The following ZNF33A variants were observed in gnomAD, a reference collection of about 807,000 sequenced individuals.
ZNF33A encodes the protein brain my041 protein.
Under a neutral mutation model 15.9 loss-of-function variants are expected in ZNF33A, and 9 were observed. That is an observed-to-expected ratio of 0.57 (90% CI 0.34 to 0.99). ZNF33A has a LOEUF of 0.99. Ranked by LOEUF, ZNF33A falls within the 50% of genes least tolerant of loss-of-function variation. The pLI, the probability that ZNF33A is intolerant of heterozygous loss-of-function variation, is 0.02. For missense variants in ZNF33A, 843 were observed against 941.6 expected (o/e 0.90, Z 1.37); for synonymous variants, 294 against 324.2 (o/e 0.91, Z 1.00).
At chr10:38,031,360 A>C (rs1051245118) in intron 4 of ZNF33A, among the ~76,000 whole-genome samples, 3 of 152,088 alleles carry the variant, frequency 2.0e-5, no homozygotes, top group Non-Finnish European at 4.4e-5. Flanking sequence ...ACTTGAGCTC[A>C]GGAGTTTGAG....
At position 38,010,714 on chromosome 10, in the gene ZNF33A, G is replaced by T. The variant is rs761499291; in HGVS notation, c.-114G>T. 26 of 1,598,276 alleles carry T rather than the reference G, an allele frequency of 1.6e-5. No homozygotes were observed. The South Asian group carries it at 2.6e-4, about 16-fold the overall frequency. ...TTTTGTTTTTCTCAGGTTTTGCGTG[G>T]GAGGCGGTCCCGGGATTTCAAGGGT... On this transcript the variant is annotated 5_prime_UTR_variant, in exon 1 of 5. Coordinates refer to ENST00000432900, the MANE Select transcript of ZNF33A (RefSeq NM_006954.2).
Position 38,010,823 on chromosome 10 carries a change from C to T in ZNF33A, c.-45+40C>T, listed in dbSNP as rs776894600. On this transcript the variant is annotated intron_variant, in intron 1 of 4. Transcript: ENST00000432900. ...GTTGGGCAGGGAGAGAGAGGGAGCC[C>T]CGCGCGACTCCTGGGGCGGGCGGCA... The T allele has an allele frequency of 3.8e-6, 6 of 1,596,082 alleles. No homozygotes were observed. In the South Asian group the frequency reaches 5.5e-5, roughly 15 times the overall value.
rs1412153833 is a variant in ZNF33A, at chr10:38,054,754, G to A, written c.630G>A (p.Glu210=). 1.9e-6 allele frequency: 3 copies of A among 1,613,552 alleles called. No individual in the cohort carries two copies. The highest frequency in any genetic ancestry group is 3.3e-5 in the Admixed American group (2 of 59,942). The change falls in exon 5 of 5, where the codon GAG becomes GAA. Residue 210 remains glutamate (E), a synonymous_variant. Transcript: ENST00000432900. ...LSHHEETLQH[E]KIQTLEHNFE... is the part of the protein sequence containing the mutation. Reference sequence around the variant, plus strand: ...ATCATGAGGAGACTTTGCAGCATGAGAAGATTCAAACTTTAGAGCACAATT... The same window carrying A: ...ATCATGAGGAGACTTTGCAGCATGAAAAGATTCAAACTTTAGAGCACAATT...
At chr10:38,034,947 GTAACCATC>G (rs2065374906) in intron 4 of ZNF33A, among the ~76,000 whole-genome samples, 1 of 152,076 alleles carries the variant, frequency 6.6e-6, no homozygotes, top group Non-Finnish European at 1.5e-5. Flanking sequence ...AGTTCTACAT[GTAACCATC>G]TGTATCTCTC....
chr10:38,018,619 A>G (rs2064576222), intron 4 of ZNF33A, among the ~76,000 whole-genome samples: 1 of 152,338 alleles, frequency 6.6e-6, no homozygotes, highest in Non-Finnish European at 1.5e-5. Flanking sequence ...GGCATAGGGC[A>G]TAGAGAGCTC....
intron 3 of ZNF33A, 68 bp from the exon 4 acceptor site, chr10:38,017,223 T>G (rs2064498360): frequency 6.7e-7 from 1 of 1,485,680 alleles, no homozygotes; most frequent in Admixed American, 2.0e-5. Flanking sequence ...CCCAGAAGCT[T>G]CTTCCTGCTT....
At chr10:38,044,895 T>C (rs758791308) in intron 4 of ZNF33A, among the ~76,000 whole-genome samples, 3 of 152,144 alleles carry the variant, frequency 2.0e-5, no homozygotes, top group Non-Finnish European at 4.4e-5. Context: ...CTTGAACTCC[T>C]GACCTCAGGT....
At chr10:38,064,580 G>C (rs1455293256), downstream of ZNF33A, 1 of 153,638 alleles carries the variant, frequency 6.5e-6, no homozygotes, top group African/African-American at 2.4e-5. Flanking sequence ...TCCCATCTGT[G>C]ATCTCCAGAG....
At chr10:38,051,253 T>G (rs1355982429) in intron 4 of ZNF33A, among the ~76,000 whole-genome samples, 4 of 152,200 alleles carry the variant, frequency 2.6e-5, no homozygotes, top group African/African-American at 9.6e-5. Context: ...AAAACTAATA[T>G]TCACGAAGAA....
At chr10:38,060,115 CTGAA>C (rs2066637346), downstream of ZNF33A, 1 of 979,834 alleles carries the variant, frequency 1.0e-6, no homozygotes, top group Non-Finnish European at 1.2e-6. Context: ...ATGTTTCTGA[CTGAA>C]CATGTAAATC....
chr10:38,038,080 T>A (rs2135676162), intron 4 of ZNF33A, among the ~76,000 whole-genome samples: 1 of 152,350 alleles, frequency 6.6e-6, no homozygotes, highest in African/African-American at 2.4e-5. Flanking sequence ...TTTCCTTGAT[T>A]AAAGTTATAA....
intron 1 of ZNF33A, 84 bp from the exon 2 acceptor site, chr10:38,012,214 G>A: frequency 2.1e-6 from 3 of 1,414,646 alleles, no homozygotes; most frequent in Admixed American, 2.0e-5. Context: ...TAGTGGGTGT[G>A]TATGGCTTCT....
At position 38,055,217 on chromosome 10, in the gene ZNF33A, G is replaced by A; in HGVS notation, c.1093G>A (p.Ala365Thr). 2 of 1,614,102 alleles carry A rather than the reference G, an allele frequency of 1.2e-6. No individual in the cohort carries two copies. The highest frequency in any genetic ancestry group is 1.1e-5 in the South Asian group (1 of 91,080). ...KPFQCNECEKAFWDKSNLTKH... is the reference protein window; with the variant it reads ...KPFQCNECEKTFWDKSNLTKH... Reference sequence around the variant, plus strand: ...CTTTCAATGTAATGAATGTGAAAAAGCTTTCTGGGATAAGTCAAACCTCAC... The same window carrying A: ...CTTTCAATGTAATGAATGTGAAAAAACTTTCTGGGATAAGTCAAACCTCAC... The change falls in exon 5 of 5, where the codon GCT becomes ACT. Residue 365 changes from alanine (A) to threonine (T), a missense_variant. Coordinates refer to ENST00000432900, the MANE Select transcript of ZNF33A (RefSeq NM_006954.2).
intron 4 of ZNF33A, among the ~76,000 whole-genome samples, chr10:38,048,398 A>G (rs1251718327): frequency 6.6e-6 from 1 of 152,254 alleles, no homozygotes; most frequent in African/African-American, 2.4e-5. Flanking sequence ...GAAGATCCAT[A>G]TATGTACTAT....
intron 1 of ZNF33A, among the ~76,000 whole-genome samples, chr10:38,011,409 A>G (rs2064178351): frequency 6.6e-6 from 1 of 152,140 alleles, no homozygotes; most frequent in South Asian, 2.1e-4. Context: ...ACATGGTGAA[A>G]CCCCGTCTCT....
chr10:38,046,558 C>T lies in ZNF33A; in HGVS notation c.251-7817C>T, dbSNP rs1196502336. 2.0e-5 allele frequency among the ~76,000 whole-genome samples: 3 copies of T among 152,116 alleles called. No homozygotes were observed. In the East Asian group the frequency reaches 5.8e-4, roughly 29 times the overall value. ...CATCCTAGAAAAAAGCACAAAAATA[C>T]TTATAGGAAGCCAAAAGGACCCAAC... On this transcript the variant is annotated intron_variant, in intron 4 of 4. Transcript: ENST00000432900.
chr10:38,067,429 C>T (rs1231668873), downstream of ZNF33A, among the ~76,000 whole-genome samples: 2 of 152,190 alleles, frequency 1.3e-5, no homozygotes, highest in African/African-American at 4.8e-5. Flanking sequence ...TTAAACAATG[C>T]TTGAAGGGCA....
At chr10:38,049,143 A>G (rs921360312) in intron 4 of ZNF33A, among the ~76,000 whole-genome samples, 2 of 152,158 alleles carry the variant, frequency 1.3e-5, no homozygotes, top group Non-Finnish European at 2.9e-5. Flanking sequence ...TAAAATCCCT[A>G]ATAGTTGGAA....
In ZNF33A at chr10:38,054,809, C is replaced by T. The variant is rs2066382536; in HGVS notation, c.685C>T (p.Leu229Phe). The T allele has an allele frequency of 1.2e-6, 2 of 1,613,462 alleles. No homozygotes were observed. The highest frequency in any genetic ancestry group is 1.7e-6 in the Non-Finnish European group (2 of 1,179,944). Reference protein sequence around the residue: ...FEYSICQETLLEKAVFNTQKR... With the variant: ...FEYSICQETLFEKAVFNTQKR... ...ATACAGTATATGTCAGGAAACCCTCCTTGAAAAGGCAGTATTCAATACACA... is the reference window on the plus strand; with the variant it reads ...ATACAGTATATGTCAGGAAACCCTCTTTGAAAAGGCAGTATTCAATACACA... The change falls in exon 5 of 5, where the codon CTT (leucine) becomes TTT (phenylalanine). Residue 229 changes from leucine (L) to phenylalanine (F), a missense_variant. Coordinates refer to ENST00000432900, the MANE Select transcript of ZNF33A (RefSeq NM_006954.2).
Sources: allele counts gnomAD v4.1 joint callset (sites outside exome capture counted in the v4.1 genomes callset), GRCh38; gene constraint gnomAD v4.1.1; transcripts MANE v1.5; gene names NCBI Gene and HGNC (gene_info 2026-07-23, HGNC 2026-07-21).